Variants in GSE1 observed in about 807,000 individuals in gnomAD.
The protein encoded by GSE1 is genetic suppressor element 1.
A neutral mutation model predicts 112.6 loss-of-function variants in GSE1; 32 were observed. That is an observed-to-expected ratio of 0.28 (90% CI 0.21 to 0.38). GSE1 has a LOEUF of 0.38. GSE1 is among the 10% of genes least tolerant of loss of function. The pLI is 1.00. For missense variants in GSE1, 2,348 were observed against 1,699.2 expected (o/e 1.38, Z -6.71); for synonymous variants, 1,115 against 735.6 (o/e 1.52, Z -8.35).
At chr16:85,432,555 G>C (rs571262926) in intron 2 of GSE1, among the ~76,000 whole-genome samples, 2 of 152,358 alleles carry the variant, frequency 1.3e-5, no homozygotes, top group South Asian at 4.1e-4. Flanking sequence ...GGCCCTGCCT[G>C]CAAGCACATA....
At chr16:85,560,339 G>A (rs990971618) in intron 1 of GSE1, among the ~76,000 whole-genome samples, 1 of 151,994 alleles carries the variant, frequency 6.6e-6, no homozygotes, top group Non-Finnish European at 1.5e-5. Flanking sequence ...GTTTTACCAT[G>A]TTAGCCAGGA....
chr16:85,314,925 C>A (rs538044211), intron 1 of GSE1, among the ~76,000 whole-genome samples: 3 of 152,204 alleles, frequency 2.0e-5, no homozygotes, highest in Admixed American at 6.5e-5. Flanking sequence ...CACGGCCCTG[C>A]GTTTGCCATT....
intron 2 of GSE1, among the ~76,000 whole-genome samples, chr16:85,647,061 A>G (rs1337348241): frequency 1.3e-5 from 2 of 152,154 alleles, no homozygotes; most frequent in African/African-American, 4.8e-5. Context: ...CTGAGAAGGC[A>G]GTTTTGCTCC....
At chr16:85,516,534 CATG>C (rs2051945459) in intron 2 of GSE1, among the ~76,000 whole-genome samples, 1 of 133,428 alleles carries the variant, frequency 7.5e-6, no homozygotes, top group Non-Finnish European at 1.5e-5. Flanking sequence ...TGCACTGAGA[CATG>C]ATGGCACCAT....
intron 15 of GSE1, among the ~76,000 whole-genome samples, chr16:85,671,423 G>A (rs1286005078): frequency 9.9e-6 from 1 of 101,344 alleles, no homozygotes; most frequent in East Asian, 3.7e-4. Flanking sequence ...CTGGGCGACA[G>A]AGCGAGACTC....
chr16:85,496,484 G>A (rs980514017), intron 2 of GSE1, among the ~76,000 whole-genome samples: 6 of 152,260 alleles, frequency 3.9e-5, no homozygotes, highest in Non-Finnish European at 7.3e-5. Flanking sequence ...GTGCTGGCGA[G>A]GCGGGCAGCC....
At chr16:85,481,752 G>A (rs144007569) in intron 2 of GSE1, among the ~76,000 whole-genome samples, 2 of 152,360 alleles carry the variant, frequency 1.3e-5, no homozygotes, top group East Asian at 3.9e-4. Context: ...TCTGCCCAAT[G>A]CCCGGCACTT....
intron 1 of GSE1, among the ~76,000 whole-genome samples, chr16:85,244,937 G>A (rs1236106577): frequency 6.6e-6 from 1 of 151,194 alleles, no homozygotes; most frequent in African/African-American, 2.4e-5. Context: ...GTTGCAGTGA[G>A]CTGAGATCGT....
chr16:85,220,710 T>TGCTCTCTCGC (rs2075376046), intron 1 of GSE1, among the ~76,000 whole-genome samples: 1 of 152,194 alleles, frequency 6.6e-6, no homozygotes, highest in Non-Finnish European at 1.5e-5. Flanking sequence ...GCCACTCTCG[T>TGCTCTCTCGC]GCTCTCTCGC....
intron 1 of GSE1, among the ~76,000 whole-genome samples, chr16:85,279,289 C>T (rs759971140): frequency 3.9e-5 from 6 of 152,208 alleles, no homozygotes; most frequent in Non-Finnish European, 4.4e-5. Flanking sequence ...TTCTACCATG[C>T]AAGCCCGCTA....
At chr16:85,670,500 G>T (rs2053242784) in intron 14 of GSE1, 1 of 152,186 alleles carries the variant, frequency 6.6e-6, no homozygotes, top group Non-Finnish European at 1.5e-5. Flanking sequence ...CAGATTGTGA[G>T]CACTTTCCCT....
At chr16:85,211,992 G>A (rs1028564874) in intron 1 of GSE1, among the ~76,000 whole-genome samples, 1 of 152,230 alleles carries the variant, frequency 6.6e-6, no homozygotes, top group South Asian at 2.1e-4. Context: ...GTTTCTGACT[G>A]GGGGAGGACT....
At chr16:85,230,755 C>G (rs139342461) in intron 1 of GSE1, among the ~76,000 whole-genome samples, 1 of 152,298 alleles carries the variant, frequency 6.6e-6, no homozygotes, top group African/African-American at 2.4e-5. Context: ...ACTCACAGTC[C>G]TCCTGGGTTG....
intron 2 of GSE1, among the ~76,000 whole-genome samples, chr16:85,475,766 A>G (rs937687977): frequency 7.8e-5 from 10 of 128,616 alleles, no homozygotes; most frequent in African/African-American, 2.9e-4. Context: ...TGTTTCTTCT[A>G]ATTGTTTTTC....
chr16:85,649,990 C>T (rs2051198323), intron 3 of GSE1, among the ~76,000 whole-genome samples: 1 of 152,166 alleles, frequency 6.6e-6, no homozygotes, highest in African/African-American at 2.4e-5. Flanking sequence ...GACTGGGACC[C>T]CCGGGGCCTG....
At chr16:85,651,548 G>A (rs1043876574) in intron 3 of GSE1, among the ~76,000 whole-genome samples, 1 of 152,166 alleles carries the variant, frequency 6.6e-6, no homozygotes, top group Non-Finnish European at 1.5e-5. Flanking sequence ...TCCTTGTGGC[G>A]GGGCGGCTGG....
intron 2 of GSE1, among the ~76,000 whole-genome samples, chr16:85,362,072 G>T (rs768881081): frequency 1.8e-4 from 28 of 152,284 alleles, no homozygotes; most frequent in Admixed American, 9.1e-4. Flanking sequence ...ACAGCTCCAG[G>T]GCTGGGGACT....
At chr16:85,171,788 C>G in exon 1 of GSE1, 1 of 985,586 alleles carries the variant, frequency 1.0e-6, no homozygotes, top group Non-Finnish European at 1.2e-6. Flanking sequence ...TGGAGCTCCC[C>G]GGTGGCAGCA....
intron 1 of GSE1, among the ~76,000 whole-genome samples, chr16:85,632,272 C>T (rs1469730816): frequency 6.6e-6 from 1 of 152,212 alleles, no homozygotes; most frequent in Non-Finnish European, 1.5e-5. Flanking sequence ...CTCAGGGGTC[C>T]TTTGTTCCCA....
Sources: gnomAD v4.1 joint callset for allele counts (sites outside exome capture counted in the v4.1 genomes callset) on GRCh38, gnomAD v4.1.1 for gene constraint, MANE v1.5 for transcripts, NCBI Gene and HGNC (gene_info 2026-07-23, HGNC 2026-07-21) for gene names.